The following BRWD1 variants were observed in gnomAD, a reference collection of about 807,000 sequenced individuals.
BRWD1 encodes bromodomain and WD repeat domain containing 1.
BRWD1 carries 82 observed loss-of-function variants against 251.2 expected under a neutral mutation model. That is an observed-to-expected ratio of 0.33 (90% confidence interval 0.27 to 0.39). The LOEUF (loss-of-function observed/expected upper bound fraction) is 0.39, where lower values mean the gene tolerates loss of function less well. Ranked by LOEUF, BRWD1 falls within the 10% of genes least tolerant of loss-of-function variation. BRWD1 has a pLI of 1.00. For synonymous variants in BRWD1, 918 were observed against 902.8 expected (o/e 1.02, Z -0.30); for missense variants, 2,233 against 2,711.6 (o/e 0.82, Z 3.92).
chr21:39,308,077 C>CTTATG (rs1236891989), intron 4 of BRWD1, among the ~76,000 whole-genome samples: 1 of 152,054 alleles, frequency 6.6e-6, no homozygotes, highest in African/African-American at 2.4e-5. Context: ...TGAGGTGTTG[C>CTTATG]TTATGTTGCC....
At position 39,273,970 on chromosome 21, in the gene BRWD1, C is replaced by T. The variant is rs551340890; in HGVS notation, c.1244+404G>A. 3.3e-5 allele frequency among the ~76,000 whole-genome samples: 5 copies of T among 152,250 alleles called. No individual in the cohort carries two copies. In the East Asian group the frequency reaches 7.7e-4, roughly 23 times the overall value. On this transcript the variant is annotated intron_variant, in intron 13 of 40. Transcript: ENST00000342449. ...CTTAATAATAAAGTATGTTTGCTTA[C>T]CCTATTTCCCAGCCTTGGCTCTAAG...
chr21:39,240,887 A>G (rs998314110), intron 21 of BRWD1, among the ~76,000 whole-genome samples: 1 of 149,138 alleles, frequency 6.7e-6, no homozygotes, highest in Admixed American at 6.7e-5. Flanking sequence ...TTTTTACCAC[A>G]GGGTAAGTAA....
At chr21:39,304,792 T>C (rs182600179) in intron 4 of BRWD1, among the ~76,000 whole-genome samples, 83 of 152,200 alleles carry the variant, frequency 5.5e-4, no homozygotes, top group African/African-American at 1.8e-3. Context: ...GCTATATTAA[T>C]GTAAGGCAAA....
downstream of BRWD1, chr21:39,185,295 T>TAAAAAAAA (rs10525862): frequency 1.6e-3 from 115 of 71,808 alleles, 12 homozygotes; most frequent in African/African-American, 4.3e-3. Flanking sequence ...CTGAAATTGC[T>TAAAAAAAA]AAAAAAAAAA....
chr21:39,303,205 T>A (rs1007578605), intron 4 of BRWD1, among the ~76,000 whole-genome samples: 5 of 151,750 alleles, frequency 3.3e-5, no homozygotes, highest in Admixed American at 1.3e-4. Context: ...AAAAGAATAA[T>A]AAAAGGATAT....
At chr21:39,292,550 GTGCCTAACAA>G in intron 8 of BRWD1, among the ~76,000 whole-genome samples, 1 of 152,162 alleles carries the variant, frequency 6.6e-6, no homozygotes, top group African/African-American at 2.4e-5. Flanking sequence ...TTTGGGAGTA[GTGCCTAACAA>G]TGTTTTAATC....
chr21:39,248,340 G>A (rs915912659), intron 20 of BRWD1, among the ~76,000 whole-genome samples: 3 of 151,830 alleles, frequency 2.0e-5, no homozygotes, highest in Non-Finnish European at 4.4e-5. Context: ...GGCCAGACGC[G>A]GGGGCTTACA....
intron 13 of BRWD1, among the ~76,000 whole-genome samples, chr21:39,273,593 G>A (rs1179542773): frequency 6.6e-6 from 1 of 152,020 alleles, no homozygotes; most frequent in Non-Finnish European, 1.5e-5. Flanking sequence ...AAATTAGCCA[G>A]GCATGGTGGC....
intron 9 of BRWD1, among the ~76,000 whole-genome samples, 169 bp downstream of exon 9, chr21:39,279,979 A>G (rs1228606345): frequency 6.6e-6 from 1 of 152,234 alleles, no homozygotes; most frequent in African/African-American, 2.4e-5. Flanking sequence ...ATAATTATAA[A>G]TAGGAAATAG....
chr21:39,224,399 T>C lies in BRWD1; in HGVS notation c.3382+9A>G. The C allele has an allele frequency of 6.6e-7, 1 of 1,525,088 alleles. No homozygotes were observed. The highest frequency in any genetic ancestry group is 9.0e-7 in the Non-Finnish European group (1 of 1,112,148). 94.5% of individuals were successfully genotyped at this position (1,525,088 alleles called of 1,614,324 possible). On this transcript the variant is annotated intron_variant, in intron 29 of 40. Transcript: ENST00000342449. ...TAAAATGTTTTCATTATTTAACAAATATATATACCATTATCAGGAATTGGT... is the reference window on the plus strand; with the variant it reads ...TAAAATGTTTTCATTATTTAACAAACATATATACCATTATCAGGAATTGGT...
chr21:39,257,516 GTAATGAGCAGGGCTAATTAAATCC>G (rs946981932), intron 18 of BRWD1, among the ~76,000 whole-genome samples: 19 of 152,022 alleles, frequency 1.2e-4, no homozygotes, highest in African/African-American at 4.6e-4. Flanking sequence ...ATCCTAAAAT[GTAATGAGCAGGGCTAATTAAATCC>G]TAAATTTTTT....
chr21:39,310,926 C>T (rs2036460386), intron 4 of BRWD1, among the ~76,000 whole-genome samples: 1 of 152,012 alleles, frequency 6.6e-6, no homozygotes, highest in Non-Finnish European at 1.5e-5. Context: ...ATACCATTAA[C>T]AAAAGAATAA....
intron 28 of BRWD1, among the ~76,000 whole-genome samples, 177 bp downstream of exon 28, chr21:39,224,909 A>C (rs2033319921): frequency 6.6e-6 from 1 of 152,186 alleles, no homozygotes; most frequent in South Asian, 2.1e-4. Context: ...CAAGGGGAGT[A>C]CTGGTGAATA....
chr21:39,310,287 G>T (rs145398074), intron 4 of BRWD1, among the ~76,000 whole-genome samples: 1 of 151,654 alleles, frequency 6.6e-6, no homozygotes, highest in Non-Finnish European at 1.5e-5. Context: ...ACACAGAGGC[G>T]GGCAGATCAC....
chr21:39,212,563 A>G, intron 34 of BRWD1, 103 bp downstream of exon 34: 6 of 866,414 alleles, frequency 6.9e-6, no homozygotes, highest in South Asian at 1.5e-5. Context: ...AATATTCAGT[A>G]TCTACACTGA....
chr21:39,268,061 TAATA>T (rs1350848443), intron 15 of BRWD1, among the ~76,000 whole-genome samples: 1 of 152,132 alleles, frequency 6.6e-6, no homozygotes, highest in Non-Finnish European at 1.5e-5. Flanking sequence ...AGACACCAAC[TAATA>T]AATATGGAAG....
chr21:39,218,679 A>C lies in BRWD1; in HGVS notation c.3383-19T>G. ...GGATCAACTATGAATACCATAAAAAACAATGAGAGGAAGAAAAAAACACAA... is the reference window on the plus strand; with the variant it reads ...GGATCAACTATGAATACCATAAAAACCAATGAGAGGAAGAAAAAAACACAA... On this transcript the variant is annotated intron_variant, in intron 29 of 40. Transcript: ENST00000342449. 6.4e-7 allele frequency: 1 copy of C among 1,552,396 alleles called. No homozygotes were observed. The highest frequency in any genetic ancestry group is 8.6e-7 in the Non-Finnish European group (1 of 1,157,552).
chr21:39,312,066 T>C (rs753653498), intron 4 of BRWD1, among the ~76,000 whole-genome samples: 2 of 152,136 alleles, frequency 1.3e-5, no homozygotes, highest in Non-Finnish European at 2.9e-5. Flanking sequence ...TCCTGAAAAA[T>C]GTCTCCAGTA....
intron 6 of BRWD1, 95 bp downstream of exon 6, chr21:39,296,170 G>A (rs2035957332): frequency 3.0e-6 from 3 of 986,970 alleles, no homozygotes; most frequent in African/African-American, 1.7e-5. Flanking sequence ...ATTTCAACCA[G>A]TATTTCCTTT....
Sources: gnomAD v4.1 joint callset for allele counts (sites outside exome capture counted in the v4.1 genomes callset) on GRCh38, gnomAD v4.1.1 for gene constraint, MANE v1.5 for transcripts, NCBI Gene and HGNC (gene_info 2026-07-23, HGNC 2026-07-21) for gene names.